MAP3K5: variants seen among roughly 807,000 people sequenced by gnomAD.
MAP3K5 encodes the protein ASK-1.
MAP3K5 carries 56 observed loss-of-function variants against 158.7 expected under a neutral mutation model. The ratio of observed to expected loss-of-function variants is 0.35; its 90% CI spans 0.28 to 0.44. The LOEUF (loss-of-function observed/expected upper bound fraction) is 0.44. Among genes scored for constraint, MAP3K5 ranks in the 20% least tolerant of loss-of-function variants. The pLI is 1.00. For missense variants in MAP3K5, 1,294 were observed against 1,674.8 expected, an observed-to-expected ratio of 0.77 and a Z score of 3.97; for synonymous variants, 579 against 601.7, an observed-to-expected ratio of 0.96 and a Z score of 0.55.
At chr6:136,748,848 G>A (rs1352382081) in intron 1 of MAP3K5, among the ~76,000 whole-genome samples, 1 of 152,240 alleles carries the variant, frequency 6.6e-6, no homozygotes, top group Non-Finnish European at 1.5e-5. Context: ...GATTAACACT[G>A]ACTAAGGCTC....
At position 136,562,571 on chromosome 6, in the gene MAP3K5, A is replaced by G; in HGVS notation, c.3806T>C (p.Leu1269Pro). 1 of 1,605,720 alleles carries G rather than the reference A, an allele frequency of 6.2e-7. No homozygotes were observed. Among genetic ancestry groups the G allele is most frequent in the South Asian group, 1.1e-5 (1 of 90,172 alleles). Reference sequence around the variant, plus strand: ...TTTTTCTTCAATAGCTCGATGAAGGAGTGCTTGTAATTCTTTCTCTTTCCG... The same window carrying G: ...TTTTTCTTCAATAGCTCGATGAAGGGGTGCTTGTAATTCTTTCTCTTTCCG... ...LVRKEKELQA[L>P]LHRAIEEKDQ... Residue 1269 changes from leucine to proline, a missense_variant, in exon 27 of 30, where the codon CTC (leucine) becomes CCC (proline). Physicochemically the swap from Leu to Pro is moderately conservative, Grantham distance 98. Around this residue, in one of 5 missense-constraint regions of MAP3K5, gnomAD observed 199 missense variants for 220.3 expected, o/e 0.90. Transcript: ENST00000359015.
At chr6:136,761,907 G>A (rs1295370305) in intron 1 of MAP3K5, among the ~76,000 whole-genome samples, 1 of 152,152 alleles carries the variant, frequency 6.6e-6, no homozygotes, top group Non-Finnish European at 1.5e-5. Context: ...ACCAGAAAAG[G>A]TCAAAAGTTT....
intron 1 of MAP3K5, among the ~76,000 whole-genome samples, chr6:136,747,633 T>G (rs1041200453): frequency 2.6e-5 from 4 of 151,974 alleles, no homozygotes; most frequent in South Asian, 2.1e-4. Context: ...AAGTGGGAGG[T>G]TATGAGGCAA....
At chr6:136,605,657 T>C (rs186226108) in intron 18 of MAP3K5, among the ~76,000 whole-genome samples, 58 of 152,350 alleles carry the variant, frequency 3.8e-4, no homozygotes, top group Admixed American at 1.6e-3. Flanking sequence ...CATCATTTCA[T>C]TGGGCTTCTT....
chr6:136,642,568 T>C lies in MAP3K5; in HGVS notation c.1790A>G (p.Lys597Arg), dbSNP rs1778033453. 1.2e-6 allele frequency: 2 copies of C among 1,600,846 alleles called. No homozygotes were observed. The highest frequency in any genetic ancestry group is 8.6e-7 in the Non-Finnish European group (1 of 1,169,190). ...ACTAAAATTCCACTCATGTATACCT[T>C]TCTAGAACAACAACAAGAAAATATA... ...SIWHVLPDDK[K>R]GIHEWNFSAS... Residue 597 changes from lysine (K) to arginine (R), a missense_variant and splice_region_variant, in exon 12 of 30, where the codon AAA becomes AGA. By Grantham distance (26) the Lys-to-Arg change is conservative. Coordinates refer to ENST00000359015, the MANE Select transcript of MAP3K5 (RefSeq NM_005923.4).
chr6:136,650,897 A>T, intron 11 of MAP3K5, 87 bp downstream of exon 11: 1 of 723,744 alleles, frequency 1.4e-6, no homozygotes, highest in South Asian at 1.9e-5. Context: ...CTTAACTAAC[A>T]CAGACATTTG....
At position 136,791,813 on chromosome 6, in the gene MAP3K5, G is replaced by T; in HGVS notation, c.345C>A (p.Ser115Arg). The change falls in exon 1 of 30, where the codon AGC becomes AGA. Residue 115 changes from serine (S) to arginine (R), a missense_variant. Ser to Arg is a moderately radical substitution (Grantham distance 110). This residue lies in a region of MAP3K5 where 690 missense variants were observed against 870.5 expected (regional missense o/e 0.79). Transcript: ENST00000359015. Reference sequence around the variant, plus strand: ...CCACTGTCTCGCACGCCTCCCGCAAGCTCTGCAGGGCCTCGCTCTCGGCCA... The same window carrying T: ...CCACTGTCTCGCACGCCTCCCGCAATCTCTGCAGGGCCTCGCTCTCGGCCA... Reference protein sequence around the residue: ...LVVAESEALQSLREACETVGA... With the variant: ...LVVAESEALQRLREACETVGA... 6.2e-7 allele frequency: 1 copy of T among 1,613,800 alleles called. No individual in the cohort carries two copies. The highest frequency in any genetic ancestry group is 8.5e-7 in the Non-Finnish European group (1 of 1,180,026).
chr6:136,676,180 G>T (rs954038199), intron 7 of MAP3K5, among the ~76,000 whole-genome samples: 2 of 152,180 alleles, frequency 1.3e-5, no homozygotes, highest in East Asian at 1.9e-4. Context: ...CAGCCTTGCT[G>T]ACCAATGAAT....
intron 1 of MAP3K5, among the ~76,000 whole-genome samples, chr6:136,781,028 T>C (rs1404461471): frequency 6.6e-6 from 1 of 152,188 alleles, no homozygotes; most frequent in Non-Finnish European, 1.5e-5. Context: ...TAATAATAAA[T>C]GCTTACAAAA....
chr6:136,677,287 G>A (rs370885244), intron 7 of MAP3K5, among the ~76,000 whole-genome samples: 24 of 151,674 alleles, frequency 1.6e-4, no homozygotes, highest in East Asian at 5.8e-4. Flanking sequence ...ACAGGTGCCC[G>A]CCACCACGCC....
chr6:136,639,204 G>A (rs948861686), intron 13 of MAP3K5, among the ~76,000 whole-genome samples: 2 of 151,990 alleles, frequency 1.3e-5, no homozygotes, highest in African/African-American at 2.4e-5. Flanking sequence ...ATACTGAGAC[G>A]ATTTAAAAGA....
intron 1 of MAP3K5, among the ~76,000 whole-genome samples, chr6:136,746,522 G>C (rs545766161): frequency 6.6e-6 from 1 of 152,260 alleles, no homozygotes; most frequent in East Asian, 1.9e-4. Flanking sequence ...ATACACAATT[G>C]AAAGTGGTAT....
At chr6:136,719,999 A>G (rs1781683059) in intron 2 of MAP3K5, among the ~76,000 whole-genome samples, 1 of 152,164 alleles carries the variant, frequency 6.6e-6, no homozygotes, top group African/African-American at 2.4e-5. Context: ...CTCCCATCTT[A>G]GTTTAAATCA....
intron 7 of MAP3K5, among the ~76,000 whole-genome samples, chr6:136,686,842 T>C (rs936206294): frequency 1.3e-5 from 2 of 152,142 alleles, no homozygotes; most frequent in African/African-American, 2.4e-5. Context: ...AAAATGGCCA[T>C]ACTGCCCAAA....
chr6:136,717,570 C>T (rs975475923), intron 2 of MAP3K5, among the ~76,000 whole-genome samples: 1 of 152,230 alleles, frequency 6.6e-6, no homozygotes, highest in Non-Finnish European at 1.5e-5. Context: ...TTTTATTTCA[C>T]TTGGCTAATC....
chr6:136,765,495 G>T (rs77000185), intron 1 of MAP3K5, among the ~76,000 whole-genome samples: 10,029 of 151,142 alleles, frequency 0.066, 1,020 homozygotes, highest in African/African-American at 0.22. Context: ...TTTTTTATTT[G>T]TTTATTTTTA....
At position 136,792,235 on chromosome 6, in the gene MAP3K5, T is replaced by C. The variant is rs2115087318; in HGVS notation, c.-78A>G. The C allele has an allele frequency of 7.2e-7, 1 of 1,391,686 alleles. No homozygotes were observed. The highest frequency in any genetic ancestry group is 9.2e-7 in the Non-Finnish European group (1 of 1,084,218). 86.2% of individuals were successfully genotyped at this position (1,391,686 alleles called of 1,614,324 possible). On this transcript the variant is annotated 5_prime_UTR_variant, in exon 1 of 30. Transcript: ENST00000359015. This position sits in a 1 kb window ranked among gnomAD's most constrained non-coding sequence, Gnocchi z 5.7. ...CTGGCCAGCCACAGCTCGGGGCTGC[T>C]CCGCGCCCGCCGGGCTAAGCAGCTG...
chr6:136,667,917 A>G (rs1343771104), intron 8 of MAP3K5, among the ~76,000 whole-genome samples: 6 of 152,112 alleles, frequency 3.9e-5, no homozygotes, highest in Non-Finnish European at 8.8e-5. Flanking sequence ...AGTAATAAAT[A>G]CTTTATCATT....
intron 1 of MAP3K5, among the ~76,000 whole-genome samples, chr6:136,730,152 T>TG (rs1491150778): frequency 1.0e-5 from 1 of 95,288 alleles, no homozygotes; most frequent in Non-Finnish European, 1.9e-5. Flanking sequence ...GTTGTTTGGT[T>TG]GTTTTTTTTT....
Sources: allele counts gnomAD v4.1 joint callset (sites outside exome capture counted in the v4.1 genomes callset), GRCh38; gene constraint gnomAD v4.1.1; regional missense constraint gnomAD v4.1.1; non-coding constraint Gnocchi (gnomAD v3.1); transcripts MANE v1.5; gene names NCBI Gene and HGNC (gene_info 2026-07-23, HGNC 2026-07-21).